The following MAP3K2 variants were observed in gnomAD, a reference collection of about 807,000 sequenced individuals.
MAP3K2 encodes the protein MAP/ERK kinase kinase 2.
A neutral mutation model predicts 80.3 loss-of-function variants in MAP3K2; 24 were observed. The observed-to-expected ratio is 0.30, with a 90% CI of 0.22 to 0.42. The LOEUF (loss-of-function observed/expected upper bound fraction) is 0.42, where lower values mean the gene tolerates loss of function less well. Among genes scored for constraint, MAP3K2 ranks in the 10% least tolerant of loss-of-function variants. The pLI is 1.00. For missense variants in MAP3K2, 608 were observed against 750.1 expected (o/e 0.81, Z 2.21); for synonymous variants, 244 against 253.7 (o/e 0.96, Z 0.36).
At chr2:127,371,914 G>A (rs1403966968) in intron 1 of MAP3K2, among the ~76,000 whole-genome samples, 4 of 152,234 alleles carry the variant, frequency 2.6e-5, no homozygotes, top group Non-Finnish European at 4.4e-5. Flanking sequence ...GAAACTTCAT[G>A]AGGGGCTGAC....
chr2:127,378,982 T>G (rs1016639430), intron 1 of MAP3K2, among the ~76,000 whole-genome samples: 17 of 28,552 alleles, frequency 6.0e-4, no homozygotes, highest in African/African-American at 1.4e-3. Context: ...TTTTTTGTTG[T>G]TTTTTTTTTT....
At chr2:127,329,656 A>C (rs1686213375) in intron 7 of MAP3K2, among the ~76,000 whole-genome samples, 1 of 152,172 alleles carries the variant, frequency 6.6e-6, no homozygotes, top group South Asian at 2.1e-4. Context: ...CGCCCAGCCT[A>C]AAACCTCTTT....
chr2:127,353,704 G>C, intron 1 of MAP3K2, among the ~76,000 whole-genome samples: 1 of 152,066 alleles, frequency 6.6e-6, no homozygotes, highest in Non-Finnish European at 1.5e-5. Flanking sequence ...GGGAAGTGAG[G>C]AGCCCCTCTG....
rs1426004212 is a variant in MAP3K2, at chr2:127,343,161, G to A, written c.-32C>T. 6.5e-7 allele frequency: 1 copy of A among 1,544,318 alleles called. No individual in the cohort carries two copies. The highest frequency in any genetic ancestry group is 2.0e-5 in the Admixed American group (1 of 51,176). Reference sequence around the variant, plus strand: ...AAACAGCTCAACAATTTGAAAATTAGGAAAATGGTTCTCCCATCAGCATTC... The same window carrying A: ...AAACAGCTCAACAATTTGAAAATTAAGAAAATGGTTCTCCCATCAGCATTC... On this transcript the variant is annotated 5_prime_UTR_variant, in exon 2 of 17. Transcript: ENST00000682094.
At chr2:127,328,338 T>C (rs1330702132) in intron 7 of MAP3K2, among the ~76,000 whole-genome samples, 1 of 152,158 alleles carries the variant, frequency 6.6e-6, no homozygotes, top group Non-Finnish European at 1.5e-5. Flanking sequence ...CGTAATGTGA[T>C]AAGAAATGGG....
At chr2:127,318,414 T>G in intron 12 of MAP3K2, 97 bp from the exon 13 acceptor site, 1 of 883,354 alleles carries the variant, frequency 1.1e-6, no homozygotes, top group East Asian at 3.2e-5. Context: ...CATCCTTCAT[T>G]GAATGTACTT....
At chr2:127,311,374 G>T (rs1685805433) in intron 15 of MAP3K2, among the ~76,000 whole-genome samples, 2 of 152,302 alleles carry the variant, frequency 1.3e-5, no homozygotes, top group African/African-American at 4.8e-5. Context: ...GGAAGGAACA[G>T]TCCAAGGCAG....
chr2:127,333,303 CA>C lies in MAP3K2; in HGVS notation c.264+2566del, dbSNP rs764791131. ...ACACACACACACACACACACACACA[CA>C]CCCCTTATTAAAGAGAAGCCAAACT... On this transcript the variant is annotated intron_variant, in intron 5 of 16. Transcript: ENST00000682094. Among the ~76,000 whole-genome samples, 427 of 151,510 alleles carry C rather than the reference CA, an allele frequency of 2.8e-3. 1 individual carries two copies. The highest frequency in any genetic ancestry group is 0.01 in the Middle Eastern group (3 of 294).
At chr2:127,332,196 A>T (rs1279411068) in intron 5 of MAP3K2, among the ~76,000 whole-genome samples, 1 of 152,234 alleles carries the variant, frequency 6.6e-6, no homozygotes. Context: ...ATTATGAAAC[A>T]TATTGGTATA....
intron 13 of MAP3K2, 53 bp downstream of exon 13, chr2:127,318,116 A>T (rs1685943191): frequency 5.7e-6 from 8 of 1,415,904 alleles, no homozygotes; most frequent in Non-Finnish European, 7.5e-6. Context: ...AAAAAATAAT[A>T]ATGAATAAAG....
chr2:127,332,980 A>T (rs375497140), intron 5 of MAP3K2, among the ~76,000 whole-genome samples: 2 of 151,892 alleles, frequency 1.3e-5, no homozygotes, highest in African/African-American at 4.8e-5. Context: ...AAATACAAAA[A>T]TTAACAAGGT....
intron 7 of MAP3K2, 32 bp from the exon 8 acceptor site, chr2:127,326,849 T>C: frequency 6.9e-7 from 1 of 1,457,344 alleles, no homozygotes; most frequent in South Asian, 1.4e-5. Context: ...AATTTATAAT[T>C]ATAGGCAAGG....
chr2:127,343,875 C>G (rs1416982821), intron 1 of MAP3K2, among the ~76,000 whole-genome samples: 1 of 151,832 alleles, frequency 6.6e-6, no homozygotes, highest in African/African-American at 2.4e-5. Context: ...AAAAATTAGC[C>G]GGGTGCAGTA....
rs1685868985 is a variant in MAP3K2, at chr2:127,314,761, A to C, written c.1449T>G (p.Asp483Glu). The change falls in exon 15 of 17, where the codon GAT (aspartate) becomes GAG (glutamate). Residue 483 changes from aspartate to glutamate, a missense_variant. Physicochemically the swap from Asp to Glu is conservative, Grantham distance 45. This residue lies in a region of MAP3K2 where 88 missense variants were observed against 132.4 expected (regional missense o/e 0.66). Transcript: ENST00000682094. ...YLHSNMIVHR[D>E]IKGANILRDS... ...AAATACCTCATTACTTACCTTTGAT[A>C]TCTCTATGGACAATCATATTACTGT... 4 of 1,603,142 alleles carry C rather than the reference A, an allele frequency of 2.5e-6. No homozygotes were observed. The highest frequency in any genetic ancestry group is 3.4e-6 in the Non-Finnish European group (4 of 1,173,464).
chr2:127,376,319 T>A (rs868493437), intron 1 of MAP3K2, among the ~76,000 whole-genome samples: 2 of 12,560 alleles, frequency 1.6e-4, no homozygotes, highest in Non-Finnish European at 1.6e-4. Flanking sequence ...GGTGGGAGGG[T>A]GGGAAGGGGG....
intron 1 of MAP3K2, among the ~76,000 whole-genome samples, chr2:127,361,235 C>G (rs1048511221): frequency 6.6e-6 from 1 of 150,676 alleles, no homozygotes; most frequent in Non-Finnish European, 1.5e-5. Flanking sequence ...ATCGCCTGAA[C>G]CCGGGAGGCA....
chr2:127,338,402 G>A (rs1489682542), intron 3 of MAP3K2, among the ~76,000 whole-genome samples: 1 of 152,034 alleles, frequency 6.6e-6, no homozygotes, highest in Non-Finnish European at 1.5e-5. Context: ...CACGTCACGG[G>A]GAGTTGCTTG....
At position 127,337,621 on chromosome 2, in the gene MAP3K2, T is replaced by C. The variant is rs1385055279; in HGVS notation, c.164+117A>G. ...TTACACATTCCCAAGGACTACTCTA[T>C]TCTCAATTTGTAAACCATGAAACTT... On this transcript the variant is annotated intron_variant, in intron 4 of 16. Coordinates refer to ENST00000682094, the MANE Select transcript of MAP3K2 (RefSeq NM_001371910.2). 4.7e-6 allele frequency: 3 copies of C among 642,346 alleles called. No individual in the cohort carries two copies. The African/African-American group carries it at 5.6e-5, about 12-fold the overall frequency. 39.8% of individuals were successfully genotyped at this position (642,346 alleles called of 1,614,324 possible). A position where few individuals can be genotyped will look rare whatever the true frequency, so the allele number is the denominator to read the frequency against.
chr2:127,303,585 T>C lies in MAP3K2; in HGVS notation c.*3994A>G, dbSNP rs1039178138. Reference sequence around the variant, plus strand: ...TAAAAAATAACATTTTAAAACATCATTGCTGAACTTTCAGAGTTAGCGTAT... The same window carrying C: ...TAAAAAATAACATTTTAAAACATCACTGCTGAACTTTCAGAGTTAGCGTAT... On this transcript the variant is annotated 3_prime_UTR_variant, in exon 17 of 17. Coordinates refer to ENST00000682094, the MANE Select transcript of MAP3K2 (RefSeq NM_001371910.2). 1.3e-5 allele frequency: 2 copies of C among 152,044 alleles called. No individual in the cohort carries two copies. Among genetic ancestry groups the C allele is most frequent in the Non-Finnish European group, 2.9e-5 (2 of 67,998 alleles). The allele number at this position is 152,044 out of a possible 1,614,324, so 9.4% of individuals were successfully genotyped here. A position where few individuals can be genotyped will look rare whatever the true frequency, so the allele number is the denominator to read the frequency against.
Sources: gnomAD v4.1 joint callset for allele counts (sites outside exome capture counted in the v4.1 genomes callset) on GRCh38, gnomAD v4.1.1 for gene constraint, gnomAD v4.1.1 regional missense constraint, MANE v1.5 for transcripts, NCBI Gene and HGNC (gene_info 2026-07-23, HGNC 2026-07-21) for gene names.